HEATR5B: variants seen among roughly 807,000 people sequenced by gnomAD.
HEATR5B encodes HEAT repeat containing 5B.
In HEATR5B, 156 loss-of-function variants were observed where a neutral mutation model predicts 224.1. The observed-to-expected ratio is 0.70, with a 90% CI of 0.61 to 0.80. The LOEUF is 0.80. HEATR5B is among the 30% of genes least tolerant of loss of function. The pLI is 0.00. For synonymous variants in HEATR5B, 1,027 were observed against 893.0 expected (o/e 1.15, Z -2.68); for missense variants, 2,323 against 2,535.5 (o/e 0.92, Z 1.80).
At chr2:37,014,841 G>A (rs1363016095) in intron 26 of HEATR5B, among the ~76,000 whole-genome samples, 4 of 151,966 alleles carry the variant, frequency 2.6e-5, no homozygotes, top group Admixed American at 6.6e-5. Flanking sequence ...GCTGGGCGTG[G>A]GCATGGTGGC....
chr2:36,992,958 A>G (rs1453826286), intron 33 of HEATR5B, among the ~76,000 whole-genome samples: 1 of 152,018 alleles, frequency 6.6e-6, no homozygotes, highest in African/African-American at 2.4e-5. Context: ...CTTCTGGCCT[A>G]AAGCAACCCT....
intron 32 of HEATR5B, among the ~76,000 whole-genome samples, chr2:37,001,795 C>T (rs189123679): frequency 1.4e-5 from 2 of 138,374 alleles, no homozygotes; most frequent in African/African-American, 5.2e-5. Flanking sequence ...TCCTGAGTAG[C>T]TGGGATTACA....
chr2:36,989,884 A>G (rs2691123), intron 34 of HEATR5B, among the ~76,000 whole-genome samples: 88,306 of 145,826 alleles, frequency 0.61, 27,632 homozygotes, highest in African/African-American at 0.76. Context: ...CAGTACTGGA[A>G]TCCAAGAATG....
In HEATR5B at chr2:36,982,254, A is replaced by T. The variant is rs192049945; in HGVS notation, c.5912-460T>A. Among the ~76,000 whole-genome samples, 9 of 152,182 alleles carry T rather than the reference A, an allele frequency of 5.9e-5. No homozygotes were observed. The East Asian group carries it at 1.7e-3, about 29-fold the overall frequency. On this transcript the variant is annotated intron_variant, in intron 35 of 35. Transcript: ENST00000233099. ...TACAATACAACTTTTTTCCTATTTC[A>T]TCATCCCCCAAAACTCACAGTGAGG...
intron 18 of HEATR5B, among the ~76,000 whole-genome samples, chr2:37,043,950 C>T (rs1164240554): frequency 6.6e-6 from 1 of 152,042 alleles, no homozygotes; most frequent in Non-Finnish European, 1.5e-5. Context: ...TTTTAGAGTC[C>T]AGGCTGGTCT....
Position 37,042,361 on chromosome 2 carries a change from T to G in HEATR5B, c.2697-1069A>C, listed in dbSNP as rs149482698. Among the ~76,000 whole-genome samples, 540 of 152,292 alleles carry G rather than the reference T, an allele frequency of 3.5e-3. 2 individuals carry two copies. Among genetic ancestry groups the G allele is most frequent in the Non-Finnish European group, 5.0e-3 (338 of 68,030 alleles). On this transcript the variant is annotated intron_variant, in intron 18 of 35. Transcript: ENST00000233099. ...CCAAAATAAACTCGTACTAACTTGT[T>G]ATAATATATCTGAACAGGACCTAGT...
intron 22 of HEATR5B, among the ~76,000 whole-genome samples, chr2:37,031,355 TAAATA>T (rs1669117358): frequency 6.6e-6 from 1 of 152,048 alleles, no homozygotes; most frequent in Non-Finnish European, 1.5e-5. Context: ...CATACGTTAG[TAAATA>T]AAATTAGTTA....
rs1177117132 is a variant in HEATR5B at position 37,070,366 on chromosome 2, C to T, written c.791G>A (p.Arg264Gln). ...QATVMRQNVK[R>Q]ATFDEVLELM... is the part of the protein sequence containing the mutation. ...TTCTAAGACTTCATCAAATGTTGCTCGCTTCACATTCTGACGCATTACTTT... is the reference window on the plus strand; with the variant it reads ...TTCTAAGACTTCATCAAATGTTGCTTGCTTCACATTCTGACGCATTACTTT... The change falls in exon 7 of 36, where the codon CGA becomes CAA. Residue 264 changes from arginine to glutamine, a missense_variant. This residue lies in a region of HEATR5B where 292 missense variants were observed against 332.6 expected (regional missense o/e 0.88). Transcript: ENST00000233099. The T allele has an allele frequency of 9.9e-6, 16 of 1,613,616 alleles. No homozygotes were observed. The highest frequency in any genetic ancestry group is 1.1e-5 in the Non-Finnish European group (13 of 1,179,804).
intron 27 of HEATR5B, among the ~76,000 whole-genome samples, chr2:37,010,077 T>A (rs1476417191): frequency 6.6e-6 from 1 of 152,204 alleles, no homozygotes; most frequent in African/African-American, 2.4e-5. Context: ...TCCTAAAATA[T>A]AATTTCAAAG....
At chr2:37,024,905 C>CT (rs1572832869) in intron 24 of HEATR5B, among the ~76,000 whole-genome samples, 1 of 152,098 alleles carries the variant, frequency 6.6e-6, no homozygotes, top group African/African-American at 2.4e-5. Context: ...AGACCTCCGT[C>CT]TTTTTTCTAA....
intron 27 of HEATR5B, among the ~76,000 whole-genome samples, chr2:37,009,128 G>C (rs563107746): frequency 6.6e-6 from 1 of 151,244 alleles, no homozygotes; most frequent in Non-Finnish European, 1.5e-5. Flanking sequence ...CATGGTGGCA[G>C]GCACCTGTAG....
At chr2:37,062,906 G>T (rs893815512) in intron 10 of HEATR5B, among the ~76,000 whole-genome samples, 1 of 152,168 alleles carries the variant, frequency 6.6e-6, no homozygotes, top group Non-Finnish European at 1.5e-5. Flanking sequence ...TCCTACCTCA[G>T]CCTCCTGAGT....
intron 18 of HEATR5B, among the ~76,000 whole-genome samples, chr2:37,043,751 T>G (rs1179700623): frequency 6.6e-6 from 1 of 152,246 alleles, no homozygotes; most frequent in African/African-American, 2.4e-5. Context: ...AAAAGTGTCT[T>G]GAACCTGATG....
chr2:36,987,097 C>T (rs1322963466), intron 35 of HEATR5B, among the ~76,000 whole-genome samples: 1 of 152,118 alleles, frequency 6.6e-6, no homozygotes, highest in East Asian at 1.9e-4. Flanking sequence ...CCAGTCATTT[C>T]ACTCTTAGGA....
chr2:37,048,996 A>C (rs1256428812), intron 18 of HEATR5B, among the ~76,000 whole-genome samples: 1 of 152,254 alleles, frequency 6.6e-6, no homozygotes, highest in African/African-American at 2.4e-5. Context: ...TATAATTTAC[A>C]TAACACAAGT....
At chr2:37,069,949 G>C (rs1671808463) in intron 7 of HEATR5B, among the ~76,000 whole-genome samples, 1 of 148,048 alleles carries the variant, frequency 6.8e-6, no homozygotes, top group South Asian at 2.1e-4. Context: ...CCAGGTTGGA[G>C]TGCAGTGGCG....
intron 3 of HEATR5B, among the ~76,000 whole-genome samples, chr2:37,078,562 A>C (rs1037392330): frequency 6.6e-6 from 1 of 152,208 alleles, no homozygotes. Flanking sequence ...AATCTCCTCT[A>C]AAACTTTTGA....
chr2:36,983,711 A>T lies in HEATR5B; in HGVS notation c.5912-1917T>A, dbSNP rs141888303. 2.3e-3 allele frequency among the ~76,000 whole-genome samples: 345 copies of T among 152,156 alleles called. 9 individuals are homozygous for T. In the East Asian group the frequency reaches 0.062, roughly 27 times the overall value. On this transcript the variant is annotated intron_variant, in intron 35 of 35. Transcript: ENST00000233099. ...CCATTGCACTCCAGCATGGGCGACA[A>T]AGCGAGACTCCCTTTCAAAAAAAAA...
At chr2:37,082,650 T>C (rs1231499480) in intron 2 of HEATR5B, among the ~76,000 whole-genome samples, 2 of 152,246 alleles carry the variant, frequency 1.3e-5, no homozygotes, top group African/African-American at 4.8e-5. Context: ...CCCACCCCTT[T>C]GTTTCAGCAT....
Sources: allele counts gnomAD v4.1 joint callset (sites outside exome capture counted in the v4.1 genomes callset), GRCh38; gene constraint gnomAD v4.1.1; regional missense constraint gnomAD v4.1.1; transcripts MANE v1.5; gene names NCBI Gene and HGNC (gene_info 2026-07-23, HGNC 2026-07-21).